Variants in IBTK observed in about 807,000 individuals in gnomAD.
IBTK encodes the protein inhibitor of Bruton tyrosine kinase.
IBTK carries 83 observed loss-of-function variants against 154.9 expected under a neutral mutation model. The ratio of observed to expected loss-of-function variants is 0.54; its 90% CI spans 0.45 to 0.64. The LOEUF is 0.64. IBTK is among the 30% of genes least tolerant of loss of function. The pLI is 0.00. For missense variants in IBTK, 1,332 were observed against 1,584.6 expected (o/e 0.84, Z 2.71); for synonymous variants, 515 against 536.1 (o/e 0.96, Z 0.54).
At chr6:82,220,035 C>A (rs1014887262) in intron 9 of IBTK, among the ~76,000 whole-genome samples, 3 of 151,856 alleles carry the variant, frequency 2.0e-5, no homozygotes, top group Non-Finnish European at 4.4e-5. Context: ...CATGGCGAAA[C>A]CCCGTCTCTA....
At chr6:82,226,833 C>T (rs909826013) in intron 5 of IBTK, among the ~76,000 whole-genome samples, 2 of 152,088 alleles carry the variant, frequency 1.3e-5, no homozygotes, top group South Asian at 2.1e-4. Flanking sequence ...CTCGAACTCC[C>T]GACCTCAGGT....
intron 25 of IBTK, among the ~76,000 whole-genome samples, chr6:82,185,121 T>C (rs1371579890): frequency 2.2e-5 from 3 of 136,370 alleles, no homozygotes; most frequent in Non-Finnish European, 4.5e-5. Context: ...AGGCAGAGGC[T>C]GCAATGAGCC....
chr6:82,227,297 C>T lies in IBTK; in HGVS notation c.549G>A (p.Val183=). 1 of 1,593,072 alleles carries T rather than the reference C, an allele frequency of 6.3e-7. No individual in the cohort carries two copies. Among genetic ancestry groups the T allele is most frequent in the Non-Finnish European group, 8.6e-7 (1 of 1,166,940 alleles). Reference sequence around the variant, plus strand: ...GAAACACGGAGTGAAATTTACAAAGCACCACCTAAGGGAAAACAAGAGAAT... The same window carrying T: ...GAAACACGGAGTGAAATTTACAAAGTACCACCTAAGGGAAAACAAGAGAAT... ...SRSGIYIKQV[V]LCKFHSVFLS... Residue 183 remains valine (V), a synonymous_variant, in exon 5 of 29, where the codon GTG becomes GTA. Transcript: ENST00000306270.
intron 12 of IBTK, among the ~76,000 whole-genome samples, chr6:82,213,766 A>C (rs1421101217): frequency 6.6e-6 from 1 of 152,082 alleles, no homozygotes; most frequent in Non-Finnish European, 1.5e-5. Context: ...AATGTAATCC[A>C]AGAAGTCCCA....
chr6:82,202,407 T>C (rs1769242550), intron 18 of IBTK, 121 bp downstream of exon 18: 1 of 680,472 alleles, frequency 1.5e-6, no homozygotes, highest in Non-Finnish European at 2.6e-6. Flanking sequence ...TCATCAGCAT[T>C]GATCAAATTC....
chr6:82,241,978 C>A (rs1770969998), intron 1 of IBTK, among the ~76,000 whole-genome samples: 1 of 152,314 alleles, frequency 6.6e-6, no homozygotes, highest in Non-Finnish European at 1.5e-5. Context: ...AACTAGTTTT[C>A]TGATCTTAAC....
intron 26 of IBTK, chr6:82,175,144 T>A (rs1768064040): frequency 7.2e-6 from 2 of 275,914 alleles, no homozygotes; most frequent in Non-Finnish European, 1.5e-5. Flanking sequence ...TTGGAAATAG[T>A]CGTTTATGAA....
At chr6:82,174,450 T>C (rs1190186363) in intron 26 of IBTK, among the ~76,000 whole-genome samples, 1 of 152,134 alleles carries the variant, frequency 6.6e-6, no homozygotes, top group Non-Finnish European at 1.5e-5. Context: ...ACATTAAAGC[T>C]GAGGAGACGT....
chr6:82,211,482 G>A lies in IBTK; in HGVS notation c.2374+8C>T, dbSNP rs761607931. 3 of 1,610,712 alleles carry A rather than the reference G, an allele frequency of 1.9e-6. No homozygotes were observed. The highest frequency in any genetic ancestry group is 1.7e-5 in the Admixed American group (1 of 59,982). ...AAATAAATCAGCAGCTTTAAAAAGT[G>A]CACCTACCAAGTCTAGCACAAAGAA... On this transcript the variant is annotated splice_region_variant and intron_variant, in intron 14 of 28. Transcript: ENST00000306270.
At chr6:82,212,350 C>T (rs1163795729) in intron 13 of IBTK, among the ~76,000 whole-genome samples, 1 of 151,988 alleles carries the variant, frequency 6.6e-6, no homozygotes. Flanking sequence ...ATTTTTTATA[C>T]TAAAGGCAAT....
Position 82,171,507 on chromosome 6 carries a change from C to T in IBTK, c.3980G>A (p.Gly1327Asp). The change falls in exon 29 of 29, where the codon GGC (glycine) becomes GAC (aspartate). Residue 1327 changes from glycine to aspartate, a missense_variant. Transcript: ENST00000306270. ...QDLLVFYEAF[G>D]NPEEFVIVER... ...AACAATGACAAACTCTTCAGGGTTG[C>T]CAAATGCCTCATAGAAAACCAATAA... 1.2e-6 allele frequency: 2 copies of T among 1,612,520 alleles called. No individual in the cohort carries two copies. The highest frequency in any genetic ancestry group is 8.5e-7 in the Non-Finnish European group (1 of 1,179,008).
chr6:82,212,085 C>T (rs1034940698), intron 13 of IBTK, among the ~76,000 whole-genome samples: 13 of 152,102 alleles, frequency 8.5e-5, no homozygotes, highest in African/African-American at 2.9e-4. Context: ...ACCTCCGCCT[C>T]CCGAGTACAA....
In IBTK at chr6:82,235,452, G is replaced by A. The variant is rs377108156; in HGVS notation, c.322-1197C>T. 3.9e-5 allele frequency among the ~76,000 whole-genome samples: 6 copies of A among 152,178 alleles called. No homozygotes were observed. The East Asian group carries it at 5.9e-4, about 15-fold the overall frequency. ...GTAGTAAAAATACAAAAATTAGTCAGGTGTGGTGGTGCATGCCTATAATCC... is the reference window on the plus strand; with the variant it reads ...GTAGTAAAAATACAAAAATTAGTCAAGTGTGGTGGTGCATGCCTATAATCC... On this transcript the variant is annotated intron_variant, in intron 2 of 28. Coordinates refer to ENST00000306270, the MANE Select transcript of IBTK (RefSeq NM_015525.4).
chr6:82,205,015 A>G, intron 16 of IBTK, 57 bp from the exon 17 acceptor site: 2 of 1,122,960 alleles, frequency 1.8e-6, no homozygotes, highest in Admixed American at 2.7e-5. Flanking sequence ...ATACCTAGAA[A>G]AAAAAATTTG....
intron 25 of IBTK, among the ~76,000 whole-genome samples, chr6:82,185,184 G>GAAAAAAAAAAAA (rs1196015823): frequency 2.6e-5 from 1 of 37,806 alleles, no homozygotes; most frequent in Non-Finnish European, 5.7e-5. Flanking sequence ...CTCTGTCTCA[G>GAAAAAAAAAAAA]AAAAAAAAAA....
At chr6:82,193,792 C>T (rs1211607410) in intron 23 of IBTK, among the ~76,000 whole-genome samples, 1 of 152,050 alleles carries the variant, frequency 6.6e-6, no homozygotes, top group Non-Finnish European at 1.5e-5. Context: ...AACGATTCTC[C>T]CACCTCAGCC....
intron 23 of IBTK, 81 bp from the exon 24 acceptor site, chr6:82,191,960 G>A: frequency 1.5e-6 from 1 of 683,026 alleles, no homozygotes; most frequent in Non-Finnish European, 2.5e-6. Flanking sequence ...AATGATAAGT[G>A]ATATGTGAGA....
chr6:82,201,020 C>G (rs1769190898), intron 19 of IBTK, among the ~76,000 whole-genome samples: 1 of 151,850 alleles, frequency 6.6e-6, no homozygotes, highest in Admixed American at 6.6e-5. Flanking sequence ...AATTTTGATT[C>G]AATTCAATAA....
chr6:82,176,773 T>G (rs905313545), intron 26 of IBTK, among the ~76,000 whole-genome samples: 3 of 152,066 alleles, frequency 2.0e-5, no homozygotes, highest in African/African-American at 7.2e-5. Flanking sequence ...GAATGTATAA[T>G]TTGTGGAATT....
Sources: allele counts gnomAD v4.1 joint callset (sites outside exome capture counted in the v4.1 genomes callset), GRCh38; gene constraint gnomAD v4.1.1; transcripts MANE v1.5; gene names NCBI Gene and HGNC (gene_info 2026-07-23, HGNC 2026-07-21).